Variants in LRRC8E observed in about 807,000 individuals in gnomAD.
LRRC8E encodes leucine rich repeat containing 8 VRAC subunit E.
A neutral mutation model predicts 6.1 loss-of-function variants in LRRC8E; 6 were observed. The ratio of observed to expected loss-of-function variants is 0.98; its 90% CI spans 0.54 to 1.93. The LOEUF (loss-of-function observed/expected upper bound fraction) is 1.93. LRRC8E is among the 30% of genes most tolerant of loss of function. The probability of loss-of-function intolerance (pLI) is 0.01; values close to 1 mark genes in which losing one functional copy is unlikely to be tolerated. For missense variants in LRRC8E, 1,028 were observed against 1,031.4 expected (o/e 1.00, Z 0.04); for synonymous variants, 485 against 472.8 (o/e 1.03, Z -0.33).
At position 7,898,819 on chromosome 19, in the gene LRRC8E, C is replaced by T; in HGVS notation, c.297C>T (p.Tyr99=). 1 of 1,614,214 alleles carries T rather than the reference C, an allele frequency of 6.2e-7. No individual in the cohort carries two copies. Among genetic ancestry groups the T allele is most frequent in the South Asian group, 1.1e-5 (1 of 91,088 alleles). The change falls in exon 3 of 3, where the codon TAC becomes TAT. Residue 99 remains tyrosine, a synonymous_variant. Transcript: ENST00000306708. Reference sequence around the variant, plus strand: ...AGAACAATTTGGACCTGCAGCAATACAGCTTTATTAACCAGCTGTGTTATG... The same window carrying T: ...AGAACAATTTGGACCTGCAGCAATATAGCTTTATTAACCAGCTGTGTTATG... ...GLKNNLDLQQ[Y]SFINQLCYET... is the part of the protein sequence containing the mutation.
chr19:7,892,445 C>A (rs1289532446), intron 1 of LRRC8E, among the ~76,000 whole-genome samples: 2 of 152,192 alleles, frequency 1.3e-5, no homozygotes, highest in African/African-American at 4.8e-5. Flanking sequence ...TGGGCTCAAG[C>A]AATCCTCCTG....
chr19:7,890,658 G>A (rs1479195264), intron 1 of LRRC8E, among the ~76,000 whole-genome samples: 4 of 151,888 alleles, frequency 2.6e-5, no homozygotes, highest in Admixed American at 6.6e-5. Context: ...GCGAGGTGGC[G>A]GGCGCCTGTA....
chr19:7,890,235 T>C (rs1981233376), intron 1 of LRRC8E, among the ~76,000 whole-genome samples: 1 of 152,078 alleles, frequency 6.6e-6, no homozygotes, highest in Non-Finnish European at 1.5e-5. Flanking sequence ...GCAAGTGGCT[T>C]GAGGAGGACC....
At position 7,891,668 on chromosome 19, in the gene LRRC8E, G is replaced by A. The variant is rs552930195; in HGVS notation, c.-6+3068G>A. ...GTCGCCCAGGCTGGAGTGCAGTGGCGAGATCTTGGCTCACTGCAGCTTCTG... is the reference window on the plus strand; with the variant it reads ...GTCGCCCAGGCTGGAGTGCAGTGGCAAGATCTTGGCTCACTGCAGCTTCTG... On this transcript the variant is annotated intron_variant, in intron 1 of 2. Transcript: ENST00000306708. Among the ~76,000 whole-genome samples the A allele has an allele frequency of 2.6e-4, 40 of 152,164 alleles. No homozygotes were observed. The South Asian group carries it at 4.6e-3, about 17-fold the overall frequency.
rs746486376 is a variant in LRRC8E, at chr19:7,898,815, A to C, written c.293A>C (p.Gln98Pro). ...CTTAAGAACAATTTGGACCTGCAGC[A>C]ATACAGCTTTATTAACCAGCTGTGT... ...KGLKNNLDLQ[Q>P]YSFINQLCYE... The change falls in exon 3 of 3, where the codon CAA becomes CCA. Residue 98 changes from glutamine to proline, a missense_variant. By Grantham distance (76) the Gln-to-Pro change is moderately conservative. Coordinates refer to ENST00000306708, the MANE Select transcript of LRRC8E (RefSeq NM_025061.6). The C allele has an allele frequency of 1.2e-6, 2 of 1,614,214 alleles. No homozygotes were observed. The highest frequency in any genetic ancestry group is 1.7e-5 in the Admixed American group (1 of 60,028).
rs759291178 is a variant in LRRC8E at position 7,899,475 on chromosome 19, C to T, written c.953C>T (p.Ser318Phe). The change falls in exon 3 of 3, where the codon TCC (serine) becomes TTC (phenylalanine). Residue 318 changes from serine to phenylalanine, a missense_variant. Transcript: ENST00000306708. Reference sequence around the variant, plus strand: ...TCCAAGCTGGCCTTCTGTTACATCTCCTTTGTGTGCATCTACGGACTTACC... The same window carrying T: ...TCCAAGCTGGCCTTCTGTTACATCTTCTTTGTGTGCATCTACGGACTTACC... ...LFSKLAFCYI[S>F]FVCIYGLTCI... 8.1e-6 allele frequency: 13 copies of T among 1,614,030 alleles called. No homozygotes were observed. The African/African-American group carries it at 1.7e-4, about 22-fold the overall frequency.
chr19:7,900,140 T>G lies in LRRC8E; in HGVS notation c.1618T>G (p.Leu540Val), dbSNP rs757368738. ...CCGGGAGCTGAAGCAGCTCAAGGTG[T>G]TGTCCCTCCGGAGCAACGCCGGGAA... is the stretch of plus-strand genomic sequence containing the variant. ...SLRELKQLKVLSLRSNAGKVP... is the reference protein window; with the variant it reads ...SLRELKQLKVVSLRSNAGKVP... Residue 540 changes from leucine to valine, a missense_variant, in exon 3 of 3, where the codon TTG becomes GTG. Leu to Val is a conservative substitution (Grantham distance 32). Coordinates refer to ENST00000306708, the MANE Select transcript of LRRC8E (RefSeq NM_025061.6). The surrounding 1 kb of genome is among the most constrained non-coding windows in gnomAD (Gnocchi z 5.0). 1.2e-6 allele frequency: 2 copies of G among 1,612,942 alleles called. No individual in the cohort carries two copies. Among genetic ancestry groups the G allele is most frequent in the Admixed American group, 3.3e-5 (2 of 60,008 alleles).
intron 1 of LRRC8E, among the ~76,000 whole-genome samples, chr19:7,891,549 G>GTGTGTGTGTT (rs1555697642): frequency 6.2e-5 from 9 of 145,436 alleles, no homozygotes; most frequent in Admixed American, 2.1e-4. Flanking sequence ...GTGTGTGTTT[G>GTGTGTGTGTT]TGTGTGTGTG....
chr19:7,896,815 G>T (rs1000497819), intron 2 of LRRC8E, among the ~76,000 whole-genome samples: 2 of 151,826 alleles, frequency 1.3e-5, no homozygotes, highest in Non-Finnish European at 2.9e-5. Flanking sequence ...GGCTTGTCTC[G>T]GACTCCGGGC....
At position 7,900,247 on chromosome 19, in the gene LRRC8E, G is replaced by C; in HGVS notation, c.1725G>C (p.Leu575=). 2.5e-6 allele frequency: 4 copies of C among 1,613,334 alleles called. No individual in the cohort carries two copies. The highest frequency in any genetic ancestry group is 3.4e-6 in the Non-Finnish European group (4 of 1,180,032). ...ACGATGGGGCCCGTCTGGTTGCCCT[G>C]AACAGCCTCAAGAAGCTGGCGGCAT... ...LHNDGARLVA[L]NSLKKLAALR... The change falls in exon 3 of 3, where the codon CTG becomes CTC. Residue 575 remains leucine, a synonymous_variant. Transcript: ENST00000306708. This position sits in a 1 kb window ranked among gnomAD's most constrained non-coding sequence, Gnocchi z 5.0.
intron 2 of LRRC8E, 88 bp from the exon 3 acceptor site, chr19:7,898,573 G>A (rs1981728863): frequency 1.7e-6 from 2 of 1,175,926 alleles, no homozygotes; most frequent in Non-Finnish European, 2.4e-6. Flanking sequence ...TGGCCAGGCT[G>A]GTCTCGAACT....
Position 7,899,785 on chromosome 19 carries a change from G to A in LRRC8E, c.1263G>A (p.Leu421=), listed in dbSNP as rs750935299. The change falls in exon 3 of 3, where the codon CTG becomes CTA. Residue 421 remains leucine, a synonymous_variant. Transcript: ENST00000306708. Reference sequence around the variant, plus strand: ...GCAATGCCGCGGGCCGGCTGGAGCTGGCCCTCTGCATGCTGCCGGGTCTGC... The same window carrying A: ...GCAATGCCGCGGGCCGGCTGGAGCTAGCCCTCTGCATGCTGCCGGGTCTGC... ...LQRNAAGRLE[L]ALCMLPGLPD... The A allele has an allele frequency of 8.6e-5, 138 of 1,609,594 alleles. No individual in the cohort carries two copies. Among genetic ancestry groups the A allele is most frequent in the South Asian group, 1.5e-4 (14 of 91,086 alleles).
intron 2 of LRRC8E, among the ~76,000 whole-genome samples, chr19:7,896,668 A>G (rs1395740576): frequency 6.6e-6 from 1 of 152,166 alleles, no homozygotes; most frequent in Non-Finnish European, 1.5e-5. Context: ...ATCACAGCTC[A>G]CTGCAGCCTT....
chr19:7,896,254 CTTTTTTTTTT>C (rs112146241), intron 2 of LRRC8E, among the ~76,000 whole-genome samples: 5 of 136,560 alleles, frequency 3.7e-5, no homozygotes, highest in African/African-American at 5.4e-5. Flanking sequence ...CTTTTTTTTT[CTTTTTTTTTT>C]TTTTCTTTTT....
rs551731104 is a variant in LRRC8E at position 7,890,058 on chromosome 19, A to T, written c.-6+1458A>T. ...CTGTGTCCGTCAGGACTCTATGTCT[A>T]AAAAAAAAAAAAGGTTGGGCCTTGT... On this transcript the variant is annotated intron_variant, in intron 1 of 2. Coordinates refer to ENST00000306708, the MANE Select transcript of LRRC8E (RefSeq NM_025061.6). Among the ~76,000 whole-genome samples, 200 of 98,146 alleles carry T rather than the reference A, an allele frequency of 2.0e-3. 1 individual carries two copies. Among genetic ancestry groups the T allele is most frequent in the African/African-American group, 5.8e-3 (193 of 33,262 alleles). The allele number at this position is 98,146 out of a possible 152,430, so 64.4% of individuals were successfully genotyped here.
chr19:7,896,094 C>G (rs794453), intron 2 of LRRC8E, among the ~76,000 whole-genome samples: 57,706 of 151,602 alleles, frequency 0.38, 11,201 homozygotes, highest in East Asian at 0.55. Context: ...CCCACCACCA[C>G]GCCTGGCTAA....
rs370474124 is a variant in LRRC8E at position 7,895,750 on chromosome 19, C to T, written c.138+9C>T. 5.6e-6 allele frequency: 9 copies of T among 1,611,088 alleles called. No homozygotes were observed. The highest frequency in any genetic ancestry group is 7.6e-6 in the Non-Finnish European group (9 of 1,177,680). Reference sequence around the variant, plus strand: ...TTGGCTGCACCCTCCAGGTGAGGCCCTCCCCTGGCAAGGGGGTGTGACCAG... The same window carrying T: ...TTGGCTGCACCCTCCAGGTGAGGCCTTCCCCTGGCAAGGGGGTGTGACCAG... On this transcript the variant is annotated intron_variant, in intron 2 of 2. Coordinates refer to ENST00000306708, the MANE Select transcript of LRRC8E (RefSeq NM_025061.6). The surrounding 1 kb of genome is among the most constrained non-coding windows in gnomAD (Gnocchi z 4.7).
chr19:7,900,097 A>G lies in LRRC8E; in HGVS notation c.1575A>G (p.Ala525=), dbSNP rs2145115553. 6.2e-7 allele frequency: 1 copy of G among 1,612,596 alleles called. No individual in the cohort carries two copies. The change falls in exon 3 of 3, where the codon GCA becomes GCG. Residue 525 remains alanine (A), a synonymous_variant. Coordinates refer to ENST00000306708, the MANE Select transcript of LRRC8E (RefSeq NM_025061.6). The surrounding 1 kb of genome is among the most constrained non-coding windows in gnomAD (Gnocchi z 5.0). ...TTTTCCCCCAGGAGCTAGCTCGGGC[A>G]GCCACCCTGGAGAGCCTCCGGGAGC... is the stretch of plus-strand genomic sequence containing the variant. ...EGLFPQELAR[A]ATLESLRELK...
chr19:7,891,522 C>T (rs987873619), intron 1 of LRRC8E, among the ~76,000 whole-genome samples: 9 of 98,254 alleles, frequency 9.2e-5, no homozygotes, highest in Non-Finnish European at 1.5e-4. Context: ...GGTCCCTGCT[C>T]GGGTGTGTGT....
Sources: allele counts gnomAD v4.1 joint callset (sites outside exome capture counted in the v4.1 genomes callset), GRCh38; gene constraint gnomAD v4.1.1; non-coding constraint Gnocchi (gnomAD v3.1); transcripts MANE v1.5; gene names NCBI Gene and HGNC (gene_info 2026-07-23, HGNC 2026-07-21).